Variants in L3MBTL3 observed in about 807,000 individuals in gnomAD.
L3MBTL3 encodes the protein lethal(3)malignant brain tumor-like protein 3.
In L3MBTL3, 27 loss-of-function variants were observed where a neutral mutation model predicts 102.3. The observed-to-expected ratio is 0.26, with a 90% CI of 0.19 to 0.36. The LOEUF is 0.36. L3MBTL3 is among the 10% of genes least tolerant of loss of function. The probability of loss-of-function intolerance (pLI) is 1.00; values close to 1 mark genes in which losing one functional copy is unlikely to be tolerated. For synonymous variants in L3MBTL3, 340 were observed against 320.9 expected (o/e 1.06, Z -0.64); for missense variants, 798 against 955.3 (o/e 0.84, Z 2.17).
intron 3 of L3MBTL3, among the ~76,000 whole-genome samples, chr6:130,044,592 G>A (rs1039150940): frequency 3.3e-5 from 5 of 152,108 alleles, no homozygotes; most frequent in Admixed American, 3.3e-4. Flanking sequence ...ATTATCATCT[G>A]AGTTATTTGA....
At position 130,108,228 on chromosome 6, in the gene L3MBTL3, T is replaced by TTTTC. The variant is rs1785109526; in HGVS notation, c.1886+3655_1886+3656insTCTT. Among the ~76,000 whole-genome samples the TTTTC allele has an allele frequency of 1.7e-5, 2 of 119,014 alleles. 1 individual carries two copies. The highest frequency in any genetic ancestry group is 3.4e-5 in the Non-Finnish European group (2 of 58,292). 78.1% of individuals were successfully genotyped at this position (119,014 alleles called of 152,430 possible). ...TCAATAAATGTTAGGTGGTTTTTTT[T>TTTTC]TTGTTTTTTTTTTTTTTTTTTTTTT... is the stretch of plus-strand genomic sequence containing the variant. On this transcript the variant is annotated intron_variant, in intron 19 of 22. Transcript: ENST00000361794.
chr6:130,033,259 A>G (rs1232515146), intron 2 of L3MBTL3, among the ~76,000 whole-genome samples: 7 of 152,198 alleles, frequency 4.6e-5, no homozygotes, highest in Admixed American at 6.5e-5. Flanking sequence ...TAAGGTGATT[A>G]GCAGTGGGGA....
At chr6:130,069,841 A>G (rs975799487) in intron 12 of L3MBTL3, among the ~76,000 whole-genome samples, 1 of 152,190 alleles carries the variant, frequency 6.6e-6, no homozygotes, top group East Asian at 1.9e-4. Context: ...CCATTTCTAG[A>G]TTACCTCAGA....
chr6:130,111,879 T>C (rs1785369910), intron 19 of L3MBTL3, among the ~76,000 whole-genome samples: 1 of 152,240 alleles, frequency 6.6e-6, no homozygotes. Flanking sequence ...CCCGTTATTC[T>C]TGGAATTAAG....
At chr6:130,054,286 A>C (rs555362632) in intron 7 of L3MBTL3, among the ~76,000 whole-genome samples, 4 of 152,200 alleles carry the variant, frequency 2.6e-5, no homozygotes, top group Admixed American at 6.5e-5. Flanking sequence ...GGTCCAGGGC[A>C]TGTAGGGTTT....
chr6:130,062,996 T>C (rs1782003458), intron 10 of L3MBTL3, among the ~76,000 whole-genome samples: 1 of 54,430 alleles, frequency 1.8e-5, no homozygotes, highest in African/African-American at 6.5e-5. Flanking sequence ...CTTTCTTTTT[T>C]TTTTTTTCTG....
intron 18 of L3MBTL3, among the ~76,000 whole-genome samples, chr6:130,099,616 A>G (rs1006226310): frequency 3.3e-5 from 5 of 152,292 alleles, no homozygotes; most frequent in African/African-American, 1.2e-4. Context: ...CAACTCCTCA[A>G]AAACATAATT....
chr6:130,106,491 G>A (rs1784985756), intron 19 of L3MBTL3, among the ~76,000 whole-genome samples: 1 of 152,168 alleles, frequency 6.6e-6, no homozygotes, highest in African/African-American at 2.4e-5. Flanking sequence ...TATGTGCAAA[G>A]CAGTACTTTA....
chr6:130,128,464 G>A (rs1786771368), intron 20 of L3MBTL3, among the ~76,000 whole-genome samples: 1 of 152,082 alleles, frequency 6.6e-6, no homozygotes. Context: ...GACATATTGG[G>A]GGAGTGGTGG....
intron 18 of L3MBTL3, among the ~76,000 whole-genome samples, chr6:130,095,393 A>G (rs74811463): frequency 0.02 from 3,012 of 152,230 alleles, 99 homozygotes; most frequent in African/African-American, 0.068. Flanking sequence ...TTAATGTTCT[A>G]TGAGGTTCAG....
intron 19 of L3MBTL3, among the ~76,000 whole-genome samples, chr6:130,117,777 G>T (rs528289984): frequency 1.3e-5 from 2 of 151,294 alleles, no homozygotes; most frequent in East Asian, 1.9e-4. Flanking sequence ...ATGGCTCACC[G>T]CAGCTTTGTC....
intron 14 of L3MBTL3, among the ~76,000 whole-genome samples, chr6:130,082,122 T>C (rs916399832): frequency 6.6e-6 from 1 of 152,210 alleles, no homozygotes; most frequent in Non-Finnish European, 1.5e-5. Context: ...CTGGTTCGCT[T>C]TTACCACTGA....
intron 19 of L3MBTL3, among the ~76,000 whole-genome samples, chr6:130,112,303 C>T (rs1287414405): frequency 3.3e-5 from 5 of 152,156 alleles, no homozygotes; most frequent in Non-Finnish European, 5.9e-5. Flanking sequence ...GTAGTGACCT[C>T]GAACCATCCA....
intron 22 of L3MBTL3, among the ~76,000 whole-genome samples, chr6:130,135,816 C>T (rs939674388): frequency 4.6e-5 from 7 of 152,184 alleles, no homozygotes; most frequent in Non-Finnish European, 4.4e-5. Context: ...GTGTCATGCT[C>T]TTGTGAGAAG....
intron 3 of L3MBTL3, among the ~76,000 whole-genome samples, chr6:130,044,039 T>G (rs1269083802): frequency 6.6e-6 from 1 of 152,202 alleles, no homozygotes; most frequent in Non-Finnish European, 1.5e-5. Flanking sequence ...GCCAAGCGTT[T>G]TGCTTGCGCT....
At chr6:130,098,176 T>TCAGAAACAC (rs1784469253) in intron 18 of L3MBTL3, among the ~76,000 whole-genome samples, 1 of 152,226 alleles carries the variant, frequency 6.6e-6, no homozygotes, top group South Asian at 2.1e-4. Flanking sequence ...AGGAATGTTT[T>TCAGAAACAC]CAGAAACACC....
At chr6:130,066,005 T>C (rs1417353979) in intron 10 of L3MBTL3, among the ~76,000 whole-genome samples, 1 of 152,140 alleles carries the variant, frequency 6.6e-6, no homozygotes, top group Non-Finnish European at 1.5e-5. Flanking sequence ...CTGAGTGTGC[T>C]GTGCTGGTGT....
chr6:130,077,916 A>T (rs1327036879), intron 13 of L3MBTL3, among the ~76,000 whole-genome samples: 1 of 152,182 alleles, frequency 6.6e-6, no homozygotes, highest in African/African-American at 2.4e-5. Context: ...AACATGTTGC[A>T]TTTTGAGAAG....
intron 19 of L3MBTL3, among the ~76,000 whole-genome samples, chr6:130,115,178 C>T (rs1025305696): frequency 6.6e-6 from 1 of 152,134 alleles, no homozygotes; most frequent in African/African-American, 2.4e-5. Flanking sequence ...TTCAGTTCTG[C>T]AAAGGCCCCA....
Sources: allele counts gnomAD v4.1 joint callset (sites outside exome capture counted in the v4.1 genomes callset), GRCh38; gene constraint gnomAD v4.1.1; transcripts MANE v1.5; gene names NCBI Gene and HGNC (gene_info 2026-07-23, HGNC 2026-07-21).